Variants in TMEM131 observed in about 807,000 individuals in gnomAD.
TMEM131 encodes transmembrane protein 131.
TMEM131 carries 66 observed loss-of-function variants against 211.6 expected under a neutral mutation model. That is an observed-to-expected ratio of 0.31 (90% CI 0.26 to 0.38). TMEM131 has a LOEUF of 0.38. Among genes scored for constraint, TMEM131 ranks in the 10% least tolerant of loss-of-function variants. TMEM131 has a pLI of 1.00. For synonymous variants in TMEM131, 844 were observed against 841.3 expected (o/e 1.00, Z -0.06); for missense variants, 2,036 against 2,299.3 (o/e 0.89, Z 2.34).
At chr2:97,948,946 C>A (rs1374259680) in intron 1 of TMEM131, among the ~76,000 whole-genome samples, 1 of 152,168 alleles carries the variant, frequency 6.6e-6, no homozygotes, top group South Asian at 2.1e-4. Flanking sequence ...CGTGAGCCAC[C>A]GTGCCAGGCC....
At chr2:97,992,940 T>C (rs1275301754) in intron 1 of TMEM131, among the ~76,000 whole-genome samples, 2 of 152,182 alleles carry the variant, frequency 1.3e-5, no homozygotes, top group Non-Finnish European at 2.9e-5. Flanking sequence ...CAAAGGTACC[T>C]TTCCTCTGGA....
intron 4 of TMEM131, among the ~76,000 whole-genome samples, chr2:97,880,472 G>A (rs1267431724): frequency 6.6e-6 from 1 of 152,158 alleles, no homozygotes; most frequent in Non-Finnish European, 1.5e-5. Context: ...GAGTTAAGAG[G>A]AGAGGGGTAA....
chr2:97,906,403 T>C (rs1169032584), intron 3 of TMEM131, among the ~76,000 whole-genome samples: 1 of 152,230 alleles, frequency 6.6e-6, no homozygotes, highest in Non-Finnish European at 1.5e-5. Flanking sequence ...GTAAATTCTG[T>C]CTACAAACCT....
intron 13 of TMEM131, among the ~76,000 whole-genome samples, 197 bp from the exon 14 acceptor site, chr2:97,814,585 C>G (rs1388616986): frequency 6.6e-6 from 1 of 151,592 alleles, no homozygotes; most frequent in Non-Finnish European, 1.5e-5. Flanking sequence ...GAAATTAATA[C>G]AAACAACCAT....
chr2:97,904,100 C>G (rs538492486), intron 3 of TMEM131, among the ~76,000 whole-genome samples: 1 of 152,132 alleles, frequency 6.6e-6, no homozygotes, highest in South Asian at 2.1e-4. Flanking sequence ...GGTCTGAACC[C>G]TGGACCCCAA....
At position 97,834,642 on chromosome 2, in the gene TMEM131, A is replaced by C; in HGVS notation, c.991T>G (p.Phe331Val). Residue 331 changes from phenylalanine to valine, a missense_variant, in exon 10 of 41, where the codon TTT becomes GTT. Around this residue, in one of 3 missense-constraint regions of TMEM131, gnomAD observed 277 missense variants for 378.0 expected, o/e 0.73. Transcript: ENST00000186436. ...TTACCTTGTGTTCTTAGTGTACCAA[A>C]ATCTAACATTTCAGTTGAGGAATAA... ...GIYSSTEMLD[F>V]GTLRTQDLPK... 1 of 1,565,694 alleles carries C rather than the reference A, an allele frequency of 6.4e-7. No homozygotes were observed. Among genetic ancestry groups the C allele is most frequent in the Non-Finnish European group, 8.6e-7 (1 of 1,157,888 alleles).
chr2:97,851,015 G>T (rs933463600), intron 5 of TMEM131, among the ~76,000 whole-genome samples: 21 of 151,268 alleles, frequency 1.4e-4, no homozygotes, highest in Non-Finnish European at 2.7e-4. Flanking sequence ...CATCTAGTAT[G>T]TAGATGATGG....
At chr2:97,993,114 T>C (rs897187115) in intron 1 of TMEM131, among the ~76,000 whole-genome samples, 2 of 152,244 alleles carry the variant, frequency 1.3e-5, no homozygotes, top group Non-Finnish European at 2.9e-5. Flanking sequence ...ATGAGTTTTA[T>C]TGTCTTTTAA....
intron 3 of TMEM131, among the ~76,000 whole-genome samples, chr2:97,896,541 C>A (rs1382846421): frequency 6.6e-6 from 1 of 152,068 alleles, no homozygotes; most frequent in East Asian, 1.9e-4. Flanking sequence ...AATCTGGGTG[C>A]TCCTGTATTG....
At chr2:97,969,032 A>G (rs1679180308) in intron 1 of TMEM131, among the ~76,000 whole-genome samples, 1 of 151,674 alleles carries the variant, frequency 6.6e-6, no homozygotes, top group Non-Finnish European at 1.5e-5. Context: ...GCAGTGAGCC[A>G]TAATTGTGCC....
At chr2:97,800,896 C>T (rs2104920960) in intron 25 of TMEM131, among the ~76,000 whole-genome samples, 1 of 152,284 alleles carries the variant, frequency 6.6e-6, no homozygotes, top group African/African-American at 2.4e-5. Flanking sequence ...CCCAGAGCCG[C>T]GCATGAGGCT....
At chr2:97,956,380 A>G (rs1678567738) in intron 1 of TMEM131, among the ~76,000 whole-genome samples, 2 of 152,240 alleles carry the variant, frequency 1.3e-5, no homozygotes, top group Non-Finnish European at 1.5e-5. Context: ...ATGGCCCATC[A>G]GATAATTTCT....
chr2:97,800,593 T>C (rs536140604), intron 25 of TMEM131, among the ~76,000 whole-genome samples: 2 of 25,356 alleles, frequency 7.9e-5, no homozygotes, highest in East Asian at 3.5e-4. Context: ...CTACTAAAAA[T>C]ACAAAAAAAA....
intron 1 of TMEM131, among the ~76,000 whole-genome samples, chr2:97,965,529 C>CA (rs1460372088): frequency 1.3e-5 from 2 of 152,136 alleles, no homozygotes; most frequent in African/African-American, 2.4e-5. Flanking sequence ...GGCACTACTG[C>CA]ATAGATTACC....
At chr2:97,877,418 A>C (rs942047031) in intron 4 of TMEM131, among the ~76,000 whole-genome samples, 1 of 152,246 alleles carries the variant, frequency 6.6e-6, no homozygotes, top group Non-Finnish European at 1.5e-5. Context: ...GGCAAGAAGA[A>C]CAAAGCTAAA....
At chr2:97,903,868 G>A (rs1051357722) in intron 3 of TMEM131, among the ~76,000 whole-genome samples, 1 of 151,914 alleles carries the variant, frequency 6.6e-6, no homozygotes, top group African/African-American at 2.4e-5. Flanking sequence ...TCACCGTGTT[G>A]CCCAAGCTGG....
At chr2:97,859,599 A>G (rs1466145776) in intron 4 of TMEM131, among the ~76,000 whole-genome samples, 172 bp from the exon 5 acceptor site, 2 of 152,244 alleles carry the variant, frequency 1.3e-5, no homozygotes, top group African/African-American at 4.8e-5. Context: ...CTTTCAATAA[A>G]TATTTCCTGA....
At chr2:97,826,435 G>T (rs1382802100) in intron 11 of TMEM131, among the ~76,000 whole-genome samples, 1 of 152,176 alleles carries the variant, frequency 6.6e-6, no homozygotes, top group Non-Finnish European at 1.5e-5. Flanking sequence ...ATTGCACGCA[G>T]TACAAAAATC....
At chr2:97,968,403 G>C (rs1679150411) in intron 1 of TMEM131, among the ~76,000 whole-genome samples, 1 of 152,134 alleles carries the variant, frequency 6.6e-6, no homozygotes, top group Middle Eastern at 3.4e-3. Context: ...CGTAAACATG[G>C]GAATAGTCAT....
Sources: gnomAD v4.1 joint callset for allele counts (sites outside exome capture counted in the v4.1 genomes callset) on GRCh38, gnomAD v4.1.1 for gene constraint, gnomAD v4.1.1 regional missense constraint, MANE v1.5 for transcripts, NCBI Gene and HGNC (gene_info 2026-07-23, HGNC 2026-07-21) for gene names.